Variants in SYNE1 observed in about 807,000 individuals in gnomAD.
SYNE1 encodes spectrin repeat containing nuclear envelope protein 1, also known as nesprin-1.
In SYNE1, 616 loss-of-function variants were observed where a neutral mutation model predicts 1,111.0. That is an observed-to-expected ratio of 0.55 (90% CI 0.52 to 0.59). The LOEUF (loss-of-function observed/expected upper bound fraction) is 0.59, where lower values mean the gene tolerates loss of function less well. SYNE1 is among the 20% of genes least tolerant of loss of function. The pLI, the probability that SYNE1 is intolerant of heterozygous loss-of-function variation, is 0.00. For missense variants in SYNE1, 10,006 were observed against 10,417.0 expected, an observed-to-expected ratio of 0.96 and a Z score of 1.72; for synonymous variants, 3,855 against 3,825.8, an observed-to-expected ratio of 1.01 and a Z score of -0.28.
intron 29 of SYNE1, among the ~76,000 whole-genome samples, chr6:152,446,980 T>C (rs1390281059): frequency 1.3e-5 from 2 of 152,234 alleles, no homozygotes; most frequent in Non-Finnish European, 2.9e-5. Context: ...CATTACTGCA[T>C]TTAATTCATG....
At chr6:152,419,441 T>G (rs1414241884) in intron 40 of SYNE1, 128 bp downstream of exon 40, 2 of 1,032,870 alleles carry the variant, frequency 1.9e-6, no homozygotes, top group East Asian at 5.2e-5. Context: ...ATTAAAACAT[T>G]TTCATATAAA....
chr6:152,344,006 A>G, intron 74 of SYNE1, 75 bp downstream of exon 74: 3 of 1,597,848 alleles, frequency 1.9e-6, no homozygotes, highest in South Asian at 2.2e-5. Context: ...TTGGCACATC[A>G]TAGGTACTTC....
intron 81 of SYNE1, among the ~76,000 whole-genome samples, chr6:152,324,304 C>T (rs977360606): frequency 1.3e-5 from 2 of 151,792 alleles, no homozygotes; most frequent in African/African-American, 2.4e-5. Flanking sequence ...GAGGGTGAGG[C>T]AGGAGAATTG....
chr6:152,573,322 TC>T (rs147968366), intron 3 of SYNE1, among the ~76,000 whole-genome samples: 46,031 of 121,510 alleles, frequency 0.38, 9,150 homozygotes, highest in East Asian at 0.49. Context: ...CCTAATGCTA[TC>T]CCCCCCCCTC....
chr6:152,163,279 A>G (rs764940272), intron 131 of SYNE1, among the ~76,000 whole-genome samples: 16 of 152,218 alleles, frequency 1.1e-4, no homozygotes, highest in Non-Finnish European at 2.4e-4. Context: ...TGGGCAGATC[A>G]CTTGAGGTCA....
chr6:152,455,471 G>C lies in SYNE1; in HGVS notation c.2847C>G (p.Gly949=). 2 of 1,614,026 alleles carry C rather than the reference G, an allele frequency of 1.2e-6. No homozygotes were observed. Among genetic ancestry groups the C allele is most frequent in the East Asian group, 2.2e-5 (1 of 44,872 alleles). ...CCTCTGGATCCCCCTTTTCCTCCAG[G>C]CCCTCCTGAGCAATCCGCAGTACCT... ...LEKVLRIAQE[G]LEEKGDPEEL... Residue 949 remains glycine (G), a synonymous_variant, in exon 24 of 146, where the codon GGC becomes GGG. Coordinates refer to ENST00000367255, the MANE Select transcript of SYNE1 (RefSeq NM_182961.4).
chr6:152,262,280 A>T, intron 100 of SYNE1, 92 bp from the exon 101 acceptor site: 1 of 1,196,138 alleles, frequency 8.4e-7, no homozygotes, highest in Admixed American at 1.7e-5. Context: ...TGGCTTCTCA[A>T]ATGAAATAAG....
chr6:152,147,940 G>T, intron 137 of SYNE1, 105 bp downstream of exon 137: 1 of 1,047,862 alleles, frequency 9.5e-7, no homozygotes. Context: ...TTCCCCGCAT[G>T]AAAGAAGGAA....
rs747792014 is a variant in SYNE1 at position 152,451,130 on chromosome 6, C to T, written c.3103G>A (p.Val1035Ile). 6.2e-7 allele frequency: 1 copy of T among 1,614,142 alleles called. No homozygotes were observed. The highest frequency in any genetic ancestry group is 8.5e-7 in the Non-Finnish European group (1 of 1,180,028). Residue 1035 changes from valine (V) to isoleucine (I), a missense_variant, in exon 26 of 146, where the codon GTA (valine) becomes ATA (isoleucine). This residue lies in a region of SYNE1 where 1,971 missense variants were observed against 2,084.1 expected (regional missense o/e 0.95). Transcript: ENST00000367255. ...DVEKNRFLAS[V>I]EECRTELDRE... is the part of the protein sequence containing the mutation. ...TCCAGCTCAGTTCTGCATTCTTCTACAGAGGCTAAGAACCTATTCTTCTCC... is the reference window on the plus strand; with the variant it reads ...TCCAGCTCAGTTCTGCATTCTTCTATAGAGGCTAAGAACCTATTCTTCTCC...
chr6:152,409,819 A>T, intron 42 of SYNE1, 110 bp from the exon 43 acceptor site: 1 of 1,134,030 alleles, frequency 8.8e-7, no homozygotes, highest in Non-Finnish European at 1.3e-6. Context: ...ATACTCATAG[A>T]CGGATTCCTA....
intron 32 of SYNE1, 24 bp downstream of exon 32, chr6:152,441,106 G>A: frequency 6.2e-7 from 1 of 1,612,326 alleles, no homozygotes; most frequent in Middle Eastern, 1.9e-4. Flanking sequence ...TCTGAATATT[G>A]GGTACCAAGG....
chr6:152,155,250 A>T, intron 132 of SYNE1: 4 of 562,260 alleles, frequency 7.1e-6, no homozygotes, highest in Non-Finnish European at 1.3e-5. Flanking sequence ...TTTTTTAAAA[A>T]CACGTCCTGC....
chr6:152,454,643 T>C (rs780264203), intron 24 of SYNE1, among the ~76,000 whole-genome samples: 5 of 152,188 alleles, frequency 3.3e-5, no homozygotes, highest in Non-Finnish European at 5.9e-5. Flanking sequence ...TCACACAGTC[T>C]CAGGAGTAGA....
At chr6:152,145,613 G>A in intron 137 of SYNE1, 1 of 1,485,906 alleles carries the variant, frequency 6.7e-7, no homozygotes, top group East Asian at 2.3e-5. Context: ...TGAATCCCTT[G>A]TGCAGGAAAA....
intron 44 of SYNE1, 44 bp from the exon 45 acceptor site, chr6:152,407,240 A>G: frequency 6.3e-7 from 1 of 1,592,320 alleles, no homozygotes; most frequent in Non-Finnish European, 8.6e-7. Flanking sequence ...TCAGAGGCGT[A>G]AGATGATCAT....
Position 152,395,557 on chromosome 6 carries a change from A to T in SYNE1, c.7671T>A (p.Val2557=), listed in dbSNP as rs2154141007. 6.2e-7 allele frequency: 1 copy of T among 1,614,030 alleles called. No homozygotes were observed. The highest frequency in any genetic ancestry group is 2.2e-5 in the East Asian group (1 of 44,866). Residue 2557 remains valine (V), a synonymous_variant, in exon 51 of 146, where the codon GTT becomes GTA. Coordinates refer to ENST00000367255, the MANE Select transcript of SYNE1 (RefSeq NM_182961.4). Reference sequence around the variant, plus strand: ...CTCCCAAAAACATTTCAACTTTATGAACTTCATTTTTCTTCTCAGGAATGT... The same window carrying T: ...CTCCCAAAAACATTTCAACTTTATGTACTTCATTTTTCTTCTCAGGAATGT... The part of the protein sequence containing the change: ...KQHIPEKKNE[V]HKVEMFLGEL...
intron 46 of SYNE1, among the ~76,000 whole-genome samples, chr6:152,403,715 C>T (rs999690042): frequency 1.3e-5 from 2 of 152,014 alleles, no homozygotes; most frequent in Non-Finnish European, 2.9e-5. Flanking sequence ...GAGTGAGACC[C>T]TGTCTCAATA....
At chr6:152,243,093 T>G (rs1016956738) in intron 106 of SYNE1, among the ~76,000 whole-genome samples, 3 of 152,222 alleles carry the variant, frequency 2.0e-5, no homozygotes, top group Non-Finnish European at 2.9e-5. Flanking sequence ...ATTTGACAAC[T>G]GTTTTCTCAG....
At chr6:152,468,345 A>G (rs919161532) in intron 16 of SYNE1, among the ~76,000 whole-genome samples, 2 of 152,168 alleles carry the variant, frequency 1.3e-5, no homozygotes, top group African/African-American at 4.8e-5. Context: ...ACAGTCCACA[A>G]TTTCAAGAGC....
Sources: gnomAD v4.1 joint callset for allele counts (sites outside exome capture counted in the v4.1 genomes callset) on GRCh38, gnomAD v4.1.1 for gene constraint, gnomAD v4.1.1 regional missense constraint, MANE v1.5 for transcripts, NCBI Gene and HGNC (gene_info 2026-07-23, HGNC 2026-07-21) for gene names.